The following AGBL4 variants were observed in gnomAD, a reference collection of about 807,000 sequenced individuals.
The protein encoded by AGBL4 is AGBL carboxypeptidase 4, also known as cytosolic carboxypeptidase 6.
Under a neutral mutation model 66.4 loss-of-function variants are expected in AGBL4, and 58 were observed. The observed-to-expected ratio is 0.87, with a 90% CI of 0.71 to 1.09. AGBL4 has a LOEUF of 1.09. Among genes scored for constraint, AGBL4 ranks in the 50% least tolerant of loss-of-function variants. AGBL4 has a pLI of 0.00. For missense variants in AGBL4, 579 were observed against 631.0 expected (o/e 0.92, Z 0.88); for synonymous variants, 234 against 222.9 (o/e 1.05, Z -0.44).
intron 4 of AGBL4, among the ~76,000 whole-genome samples, chr1:49,132,746 C>T (rs574329): frequency 0.48 from 73,329 of 151,986 alleles, 20,460 homozygotes; most frequent in Middle Eastern, 0.64. Flanking sequence ...ACAACAGATG[C>T]TGGTGAGGAT....
intron 4 of AGBL4, among the ~76,000 whole-genome samples, chr1:49,198,754 T>G (rs980948123): frequency 1.3e-5 from 2 of 152,194 alleles, no homozygotes; most frequent in Non-Finnish European, 2.9e-5. Flanking sequence ...GCGTTTTTTT[T>G]TTTTCTAGTT....
chr1:49,183,657 A>G (rs763675111), intron 4 of AGBL4, among the ~76,000 whole-genome samples: 1 of 152,190 alleles, frequency 6.6e-6, no homozygotes, highest in Admixed American at 6.5e-5. Context: ...ATGCATACAT[A>G]CCTATATAAC....
chr1:49,494,217 T>C (rs1647317910), intron 3 of AGBL4, among the ~76,000 whole-genome samples: 1 of 151,976 alleles, frequency 6.6e-6, no homozygotes, highest in Non-Finnish European at 1.5e-5. Context: ...GCTATGACTT[T>C]TGACTCTGTG....
intron 6 of AGBL4, among the ~76,000 whole-genome samples, chr1:48,761,869 T>A (rs930554726): frequency 3.9e-5 from 6 of 152,192 alleles, no homozygotes; most frequent in Admixed American, 2.0e-4. Context: ...GCCAAGTGTC[T>A]TCCCAGGAGA....
chr1:48,705,447 C>A (rs1490966036), intron 6 of AGBL4, among the ~76,000 whole-genome samples: 1 of 152,176 alleles, frequency 6.6e-6, no homozygotes, highest in Non-Finnish European at 1.5e-5. Flanking sequence ...GCATACTTGC[C>A]ATGTGTATTG....
chr1:49,006,764 C>A (rs1444375726), intron 5 of AGBL4, among the ~76,000 whole-genome samples: 14 of 151,892 alleles, frequency 9.2e-5, no homozygotes, highest in Admixed American at 2.6e-4. Context: ...CCAGCAGGGG[C>A]ACACTGACAC....
intron 4 of AGBL4, among the ~76,000 whole-genome samples, chr1:49,121,726 C>G (rs1309279792): frequency 1.3e-5 from 2 of 152,216 alleles, no homozygotes; most frequent in African/African-American, 4.8e-5. Flanking sequence ...CTGGGAGAAC[C>G]ACTGCTCTCT....
intron 5 of AGBL4, among the ~76,000 whole-genome samples, chr1:48,955,650 T>C (rs1657389738): frequency 1.3e-5 from 2 of 152,162 alleles, no homozygotes; most frequent in Admixed American, 1.3e-4. Context: ...CCAAAAGCAC[T>C]GGGATTACAG....
chr1:48,942,944 C>G (rs1316785228), intron 5 of AGBL4, among the ~76,000 whole-genome samples: 1 of 152,168 alleles, frequency 6.6e-6, no homozygotes, highest in East Asian at 1.9e-4. Context: ...TATAAGTATT[C>G]CTACTAGTGA....
intron 9 of AGBL4, among the ~76,000 whole-genome samples, chr1:48,603,462 C>A (rs556647900): frequency 2.0e-5 from 3 of 151,996 alleles, no homozygotes; most frequent in Non-Finnish European, 4.4e-5. Flanking sequence ...GAGCAAGACT[C>A]CGTTTCAAAA....
intron 11 of AGBL4, among the ~76,000 whole-genome samples, chr1:48,566,517 C>G (rs1644478161): frequency 6.6e-6 from 1 of 152,248 alleles, no homozygotes; most frequent in South Asian, 2.1e-4. Flanking sequence ...AACCCAAGCT[C>G]TACCACTGTG....
At chr1:49,530,317 T>C (rs959040546) in intron 3 of AGBL4, among the ~76,000 whole-genome samples, 4 of 149,600 alleles carry the variant, frequency 2.7e-5, no homozygotes, top group African/African-American at 9.9e-5. Flanking sequence ...ATACTTTACG[T>C]TTGAGGGTAC....
intron 11 of AGBL4, 50 bp from the exon 12 acceptor site, chr1:48,539,788 G>T: frequency 8.0e-7 from 1 of 1,254,646 alleles, no homozygotes; most frequent in Non-Finnish European, 1.1e-6. Context: ...TTGAGACAGA[G>T]TGAAAAGAGA....
intron 1 of AGBL4, among the ~76,000 whole-genome samples, chr1:49,957,410 T>A (rs1404222891): frequency 6.6e-6 from 1 of 151,960 alleles, no homozygotes; most frequent in African/African-American, 2.4e-5. Context: ...TTCCTGGGTA[T>A]CCTTGTTAAC....
intron 3 of AGBL4, among the ~76,000 whole-genome samples, chr1:49,419,319 A>C (rs570048199): frequency 6.6e-6 from 1 of 152,308 alleles, no homozygotes; most frequent in Non-Finnish European, 1.5e-5. Context: ...GAGAGGAAAT[A>C]TAATATTACA....
At chr1:49,329,096 G>A (rs1029884569) in intron 3 of AGBL4, among the ~76,000 whole-genome samples, 2 of 151,836 alleles carry the variant, frequency 1.3e-5, no homozygotes, top group African/African-American at 4.8e-5. Context: ...CACTTGAGGT[G>A]AGGAGTTCAA....
At chr1:49,874,265 T>C (rs1646914373) in intron 1 of AGBL4, among the ~76,000 whole-genome samples, 1 of 152,140 alleles carries the variant, frequency 6.6e-6, no homozygotes, top group African/African-American at 2.4e-5. Context: ...AGAAATATCT[T>C]TGCAGTCTTG....
intron 2 of AGBL4, among the ~76,000 whole-genome samples, chr1:49,757,370 C>T (rs1040605402): frequency 6.6e-6 from 1 of 152,090 alleles, no homozygotes; most frequent in African/African-American, 2.4e-5. Flanking sequence ...TGGGGTACTG[C>T]TATAATTGAA....
At chr1:49,449,562 C>T (rs1357931641) in intron 3 of AGBL4, among the ~76,000 whole-genome samples, 2 of 151,814 alleles carry the variant, frequency 1.3e-5, no homozygotes, top group East Asian at 1.9e-4. Context: ...TTATGAGAAG[C>T]AGCTGTATTT....
Sources: allele counts gnomAD v4.1 joint callset (sites outside exome capture counted in the v4.1 genomes callset), GRCh38; gene constraint gnomAD v4.1.1; transcripts MANE v1.5; gene names NCBI Gene and HGNC (gene_info 2026-07-23, HGNC 2026-07-21).